HADHA: variants seen among roughly 807,000 people sequenced by gnomAD.
HADHA encodes the protein trifunctional enzyme subunit alpha, mitochondrial.
Under a neutral mutation model 91.3 loss-of-function variants are expected in HADHA, and 59 were observed. The observed-to-expected ratio is 0.65, with a 90% CI of 0.52 to 0.80. HADHA has a LOEUF of 0.80. Among genes scored for constraint, HADHA ranks in the 30% least tolerant of loss-of-function variants. The pLI, the probability that HADHA is intolerant of heterozygous loss-of-function variation, is 0.00. For synonymous variants in HADHA, 320 were observed against 338.9 expected (o/e 0.94, Z 0.61); for missense variants, 800 against 927.6 (o/e 0.86, Z 1.79).
In HADHA at chr2:26,191,181, C is replaced by G; in HGVS notation, c.*69G>C. 1.4e-6 allele frequency: 2 copies of G among 1,480,706 alleles called. No individual in the cohort carries two copies. The highest frequency in any genetic ancestry group is 1.9e-6 in the Non-Finnish European group (2 of 1,060,396). 91.7% of individuals were successfully genotyped at this position (1,480,706 alleles called of 1,614,324 possible). A position where few individuals can be genotyped will look rare whatever the true frequency, so the allele number is the denominator to read the frequency against. ...GTTACTCTGATAAATCTAGACACCA[C>G]TCTGTTGGAGAACCAGCACTGCCGG... On this transcript the variant is annotated 3_prime_UTR_variant, in exon 20 of 20. Transcript: ENST00000380649.
At position 26,214,411 on chromosome 2, in the gene HADHA, T is replaced by C. The variant is rs1263208195; in HGVS notation, c.918+32A>G. ...GTGATCTATATAAAGGAAGGAAATATGAGAAAAGTGGGAATATTGGGTAAG... is the reference window on the plus strand; with the variant it reads ...GTGATCTATATAAAGGAAGGAAATACGAGAAAAGTGGGAATATTGGGTAAG... On this transcript the variant is annotated intron_variant, in intron 9 of 19. Transcript: ENST00000380649. This position sits in a 1 kb window ranked among gnomAD's most constrained non-coding sequence, Gnocchi z 4.1. The C allele has an allele frequency of 3.0e-6, 3 of 995,640 alleles. No homozygotes were observed. Among genetic ancestry groups the C allele is most frequent in the African/African-American group, 3.2e-5 (2 of 63,318 alleles). The allele number at this position is 995,640 out of a possible 1,614,324, so 61.7% of individuals were successfully genotyped here.
chr2:26,214,465 G>T lies in HADHA; in HGVS notation c.896C>A (p.Pro299His), dbSNP rs905722226. 5.1e-6 allele frequency: 8 copies of T among 1,561,468 alleles called. No individual in the cohort carries two copies. In the African/African-American group the frequency reaches 1.1e-4, roughly 21 times the overall value. Residue 299 changes from proline to histidine, a missense_variant, in exon 9 of 20, where the codon CCT becomes CAT. Pro to His is a moderately conservative substitution (Grantham distance 77). Coordinates refer to ENST00000380649, the MANE Select transcript of HADHA (RefSeq NM_000182.5). This position sits in a 1 kb window ranked among gnomAD's most constrained non-coding sequence, Gnocchi z 4.1. ...KVRKQTKGLY[P>H]APLKIIDVVK... ...CACATCAATTATTTTCAGAGGTGCAGGATAAAGGCCTTTAGTCTGCTTTCG... is the reference window on the plus strand; with the variant it reads ...CACATCAATTATTTTCAGAGGTGCATGATAAAGGCCTTTAGTCTGCTTTCG...
chr2:26,239,545 G>A (rs908174211), intron 1 of HADHA, among the ~76,000 whole-genome samples: 2 of 152,118 alleles, frequency 1.3e-5, no homozygotes, highest in African/African-American at 4.8e-5. Flanking sequence ...GAGGCACATG[G>A]GAACTACTGA....
chr2:26,241,638 G>T (rs969273155), intron 1 of HADHA, among the ~76,000 whole-genome samples: 1 of 151,606 alleles, frequency 6.6e-6, no homozygotes, highest in African/African-American at 2.4e-5. Context: ...GTGACACAGT[G>T]AGACTCCGTC....
chr2:26,244,177 G>A (rs1671010298), intron 1 of HADHA, among the ~76,000 whole-genome samples: 1 of 152,274 alleles, frequency 6.6e-6, no homozygotes, highest in Admixed American at 6.5e-5. Flanking sequence ...GAGCCACAAA[G>A]ATGCGACAGA....
At chr2:26,216,690 A>G (rs565827493) in intron 7 of HADHA, among the ~76,000 whole-genome samples, 3 of 152,274 alleles carry the variant, frequency 2.0e-5, no homozygotes, top group African/African-American at 7.2e-5. Context: ...TGGAGTGACA[A>G]AAGTTCAGTG....
rs758386186 is a variant in HADHA at position 26,197,718 on chromosome 2, G to T, written c.1452C>A (p.Ile484=). 1.4e-5 allele frequency: 21 copies of T among 1,535,818 alleles called. No individual in the cohort carries two copies. The highest frequency in any genetic ancestry group is 1.3e-5 in the Non-Finnish European group (14 of 1,108,302). ...TCTCAGGTCTTTTGCTGACAGCAGCGATTTCACTGATTGGGAGAGCAGATG... is the reference window on the plus strand; with the variant it reads ...TCTCAGGTCTTTTGCTGACAGCAGCTATTTCACTGATTGGGAGAGCAGATG... ...SNTSALPISE[I]AAVSKRPEKV... The change falls in exon 14 of 20, where the codon ATC becomes ATA. Residue 484 remains isoleucine (I), a synonymous_variant. Coordinates refer to ENST00000380649, the MANE Select transcript of HADHA (RefSeq NM_000182.5).
intron 7 of HADHA, among the ~76,000 whole-genome samples, chr2:26,227,599 C>T (rs1670515435): frequency 6.6e-6 from 1 of 151,966 alleles, no homozygotes; most frequent in Non-Finnish European, 1.5e-5. Flanking sequence ...GTGGTTGGTA[C>T]CTAGAACTCT....
chr2:26,239,243 A>C (rs886864924), intron 1 of HADHA, 100 bp from the exon 2 acceptor site: 1 of 841,876 alleles, frequency 1.2e-6, no homozygotes, highest in Non-Finnish European at 2.1e-6. Flanking sequence ...AACAACAAAA[A>C]CCCCAAATCT....
rs1669638670 is a variant in HADHA, at chr2:26,195,371, G to C, written c.1480-139C>G. The stretch of plus-strand genomic sequence containing the variant: ...CTGCTTGACATAGCTGAGTGGTTTG[G>C]TTCCATGGGTCTTTGATAAAAGTTT... On this transcript the variant is annotated intron_variant, in intron 14 of 19. Coordinates refer to ENST00000380649, the MANE Select transcript of HADHA (RefSeq NM_000182.5). 2.8e-5 allele frequency: 22 copies of C among 789,792 alleles called. No individual in the cohort carries two copies. The South Asian group carries it at 3.0e-4, about 11-fold the overall frequency. 48.9% of individuals were successfully genotyped at this position (789,792 alleles called of 1,614,324 possible). A position where few individuals can be genotyped will look rare whatever the true frequency, so the allele number is the denominator to read the frequency against.
chr2:26,216,549 G>A (rs1670225759), intron 7 of HADHA, among the ~76,000 whole-genome samples: 1 of 152,024 alleles, frequency 6.6e-6, no homozygotes, highest in African/African-American at 2.4e-5. Flanking sequence ...TTGAATTCCT[G>A]ACCTCAAATG....
At chr2:26,207,783 A>G (rs1301504194) in intron 11 of HADHA, among the ~76,000 whole-genome samples, 1 of 152,146 alleles carries the variant, frequency 6.6e-6, no homozygotes, top group Non-Finnish European at 1.5e-5. Context: ...ATTTTTTTTC[A>G]TAAGTACTGC....
intron 7 of HADHA, among the ~76,000 whole-genome samples, chr2:26,219,006 CAAA>C (rs371567909): frequency 4.9e-5 from 5 of 102,732 alleles, no homozygotes; most frequent in African/African-American, 1.2e-4. Context: ...GACTCCGTCT[CAAA>C]AAAAAAAAAA....
rs1441829078 is a variant in HADHA, at chr2:26,221,894, G to C, written c.677-6719C>G. Among the ~76,000 whole-genome samples the C allele has an allele frequency of 6.6e-6, 1 of 152,190 alleles. No individual in the cohort carries two copies. Among genetic ancestry groups the C allele is most frequent in the Non-Finnish European group, 1.5e-5 (1 of 68,030 alleles). ...TTGTCTAGAAAGAAAAATGGCCTGA[G>C]CTAAGGGTCTACTCTGATTCATAGG... On this transcript the variant is annotated intron_variant, in intron 7 of 19. Coordinates refer to ENST00000380649, the MANE Select transcript of HADHA (RefSeq NM_000182.5). The surrounding 1 kb of genome is among the most constrained non-coding windows in gnomAD (Gnocchi z 4.8).
At position 26,201,096 on chromosome 2, in the gene HADHA, CTG is replaced by C. The variant is rs150443421; in HGVS notation, c.1392+51_1392+52del. ...TATAGCTCCTTTAAAAAAAAAATCTCTGTGTTTTCTGTTCACTACACTAGGAT... is the reference window on the plus strand; with the variant it reads ...TATAGCTCCTTTAAAAAAAAAATCTCTGTTTTCTGTTCACTACACTAGGAT... On this transcript the variant is annotated intron_variant, in intron 13 of 19. Coordinates refer to ENST00000380649, the MANE Select transcript of HADHA (RefSeq NM_000182.5). The C allele has an allele frequency of 2.4e-3, 3,259 of 1,355,404 alleles. 61 individuals are homozygous for C. The African/African-American group carries it at 0.04, about 17-fold the overall frequency. The allele number at this position is 1,355,404 out of a possible 1,614,324, so 84.0% of individuals were successfully genotyped here. A position where few individuals can be genotyped will look rare whatever the true frequency, so the allele number is the denominator to read the frequency against.
At position 26,236,363 on chromosome 2, in the gene HADHA, A is replaced by G. The variant is rs569324010; in HGVS notation, c.314+492T>C. On this transcript the variant is annotated intron_variant, in intron 4 of 19. Transcript: ENST00000380649. The stretch of plus-strand genomic sequence containing the variant: ...GATGTGTGTGTGTGTGTGTGTGTAT[A>G]TATATATATATATACTCTGTGTGTG... Among the ~76,000 whole-genome samples the G allele has an allele frequency of 7.0e-3, 852 of 121,476 alleles. 7 individuals carry two copies. The highest frequency in any genetic ancestry group is 0.023 in the African/African-American group (786 of 34,730). 79.7% of individuals were successfully genotyped at this position (121,476 alleles called of 152,430 possible). A position where few individuals can be genotyped will look rare whatever the true frequency, so the allele number is the denominator to read the frequency against.
intron 11 of HADHA, among the ~76,000 whole-genome samples, chr2:26,206,945 C>G (rs140159611): frequency 2.0e-5 from 3 of 152,032 alleles, no homozygotes; most frequent in African/African-American, 4.8e-5. Flanking sequence ...TGCCTATAAT[C>G]GTAGTGCTTT....
At chr2:26,192,468 G>A (rs1331253981) in intron 17 of HADHA, 44 bp from the exon 18 acceptor site, 5 of 1,059,954 alleles carry the variant, frequency 4.7e-6, no homozygotes, top group African/African-American at 1.6e-5. Context: ...TGTTCTCAGG[G>A]AGGGAGTGTT....
At position 26,191,165 on chromosome 2, in the gene HADHA, A is replaced by T; in HGVS notation, c.*85T>A. ...CGGAGTTTGTCTTCTCGTTACTCTGATAAATCTAGACACCACTCTGTTGGA... is the reference window on the plus strand; with the variant it reads ...CGGAGTTTGTCTTCTCGTTACTCTGTTAAATCTAGACACCACTCTGTTGGA... On this transcript the variant is annotated 3_prime_UTR_variant, in exon 20 of 20. Transcript: ENST00000380649. The T allele has an allele frequency of 7.2e-7, 1 of 1,389,570 alleles. No individual in the cohort carries two copies. Among genetic ancestry groups the T allele is most frequent in the Non-Finnish European group, 1.0e-6 (1 of 978,574 alleles). 86.1% of individuals were successfully genotyped at this position (1,389,570 alleles called of 1,614,324 possible). A position where few individuals can be genotyped will look rare whatever the true frequency, so the allele number is the denominator to read the frequency against.
Sources: allele counts gnomAD v4.1 joint callset (sites outside exome capture counted in the v4.1 genomes callset), GRCh38; gene constraint gnomAD v4.1.1; non-coding constraint Gnocchi (gnomAD v3.1); transcripts MANE v1.5; gene names NCBI Gene and HGNC (gene_info 2026-07-23, HGNC 2026-07-21).